JADE3: variants seen among roughly 807,000 people sequenced by gnomAD.
The protein encoded by JADE3 is jade family PHD finger 3.
JADE3 carries 2 observed loss-of-function variants against 50.1 expected under a neutral mutation model. That is an observed-to-expected ratio of 0.04 (90% CI 0.02 to 0.13). The LOEUF (loss-of-function observed/expected upper bound fraction) is 0.13. Among genes scored for constraint, JADE3 ranks in the 10% least tolerant of loss-of-function variants. The pLI, the probability that JADE3 is intolerant of heterozygous loss-of-function variation, is 1.00. For missense variants in JADE3, 475 were observed against 634.4 expected (o/e 0.75, Z 2.70); for synonymous variants, 218 against 232.9 (o/e 0.94, Z 0.58).
chrX:46,932,193 G>C (rs782754130), intron 1 of JADE3, among the ~76,000 whole-genome samples: 1 of 112,006 alleles, frequency 8.9e-6, no homozygotes, highest in Admixed American at 9.5e-5. Flanking sequence ...TTTCAGTGTC[G>C]TACTGGAGCA....
intron 1 of JADE3, among the ~76,000 whole-genome samples, chrX:46,966,340 T>C (rs1302612899): frequency 8.9e-6 from 1 of 111,876 alleles, no homozygotes; most frequent in Non-Finnish European, 1.9e-5. Flanking sequence ...TCTTTCTTCC[T>C]TCCTTCTTTG....
chrX:46,918,087 A>G (rs1926146316), intron 1 of JADE3, among the ~76,000 whole-genome samples: 1 of 111,589 alleles, frequency 9.0e-6, no homozygotes, highest in Non-Finnish European at 1.9e-5. Flanking sequence ...AAGAGTTTCT[A>G]TGATGCTGGA....
At chrX:46,930,010 C>T (rs782746052) in intron 1 of JADE3, among the ~76,000 whole-genome samples, 1 of 112,230 alleles carries the variant, frequency 8.9e-6, no homozygotes, top group Non-Finnish European at 1.9e-5. Flanking sequence ...GTCCTTTCAT[C>T]TCTGTATGTA....
At chrX:47,054,055 GTCTT>G in intron 8 of JADE3, 99 bp from the exon 9 acceptor site, 1 of 520,463 alleles carries the variant, frequency 1.9e-6, no homozygotes, top group Non-Finnish European at 3.1e-6. Context: ...CTTTCTCCCG[GTCTT>G]TCTTTTGCTT....
At chrX:46,952,569 C>T (rs1303564381) in intron 1 of JADE3, among the ~76,000 whole-genome samples, 1 of 112,460 alleles carries the variant, frequency 8.9e-6, no homozygotes, top group Non-Finnish European at 1.9e-5. Flanking sequence ...GCTCTTCCTT[C>T]GTTGTTATTT....
intron 1 of JADE3, 111 bp from the exon 2 acceptor site, chrX:46,984,772 TC>T (rs1380569041): frequency 1.9e-6 from 1 of 517,641 alleles, no homozygotes; most frequent in African/African-American, 2.3e-5. Flanking sequence ...CAAAAATCAT[TC>T]AGTTTGTATG....
chrX:47,019,835 G>C (rs1298484859), intron 4 of JADE3, among the ~76,000 whole-genome samples: 5 of 111,809 alleles, frequency 4.5e-5, no homozygotes, highest in Non-Finnish European at 7.5e-5. Flanking sequence ...AGGTAGTAGT[G>C]TTCCAGCCAC....
chrX:46,934,989 A>C (rs782326158), intron 1 of JADE3, among the ~76,000 whole-genome samples: 1 of 111,522 alleles, frequency 9.0e-6, no homozygotes, highest in East Asian at 2.8e-4. Context: ...TGGCGTGTAC[A>C]GTGGTGCGAT....
intron 7 of JADE3, among the ~76,000 whole-genome samples, chrX:47,038,418 A>G (rs1556368587): frequency 9.0e-6 from 1 of 111,453 alleles, no homozygotes; most frequent in Non-Finnish European, 1.9e-5. Flanking sequence ...TCCCACCAAC[A>G]GTGTATAAAC....
At chrX:46,991,071 T>TCCC (rs1174749618) in intron 3 of JADE3, among the ~76,000 whole-genome samples, 4 of 303 alleles carry the variant, frequency 0.013, no homozygotes, top group African/African-American at 0.021. Context: ...ACTCCCTCCC[T>TCCC]CCCCCCCCCC....
At chrX:47,045,213 T>C (rs1296846210) in intron 8 of JADE3, among the ~76,000 whole-genome samples, 5 of 111,448 alleles carry the variant, frequency 4.5e-5, no homozygotes, top group African/African-American at 1.6e-4. Context: ...ACATATAGGC[T>C]GAAAATAAAG....
rs1195947563 is a variant in JADE3 at position 47,052,633 on chromosome X, C to CAA, written c.973-1500_973-1499dup. Reference sequence around the variant, plus strand: ...TCAGCAACAGAGTGAGACTCTGTCTCAAAAAAAAAAAAAAAAAAAAAAAAA... The same window carrying CAA: ...TCAGCAACAGAGTGAGACTCTGTCTCAAAAAAAAAAAAAAAAAAAAAAAAAAA... On this transcript the variant is annotated intron_variant, in intron 8 of 10. Coordinates refer to ENST00000614628, the MANE Select transcript of JADE3 (RefSeq NM_014735.5). Among the ~76,000 whole-genome samples, 29 of 18,907 alleles carry CAA rather than the reference C, an allele frequency of 1.5e-3. 1 individual carries two copies. Among genetic ancestry groups the CAA allele is most frequent in the East Asian group, 3.0e-3 (2 of 667 alleles). The allele number at this position is 18,907 out of a possible 115,157, so 16.4% of individuals were successfully genotyped here.
At chrX:46,948,698 G>T (rs1180277394) in intron 1 of JADE3, among the ~76,000 whole-genome samples, 2 of 111,278 alleles carry the variant, frequency 1.8e-5, no homozygotes, top group African/African-American at 6.5e-5. Context: ...AAGTGAACAA[G>T]TCATAAGGGT....
Position 47,058,410 on chromosome X carries a change from ATAAC to A in JADE3, c.1806_1809del (p.Asn603ValfsTer106). The A allele has an allele frequency of 8.3e-7, 1 of 1,211,522 alleles. No individual in the cohort carries two copies. The highest frequency in any genetic ancestry group is 1.1e-6 in the Non-Finnish European group (1 of 895,364). On this transcript the variant is annotated frameshift_variant, in exon 11 of 11. Transcript: ENST00000614628. LOFTEE classifies it high-confidence loss of function. ...CCGAGATACCCACTAGAGAGCAAGA[ATAAC>A]CGTTTGCTGGCCAGTCTCAGCCATT...
At chrX:46,917,769 C>T (rs1926118262) in intron 1 of JADE3, among the ~76,000 whole-genome samples, 2 of 106,781 alleles carry the variant, frequency 1.9e-5, no homozygotes, top group East Asian at 3.0e-4. Context: ...GTTTCTTTCT[C>T]TCTCTCTCTC....
chrX:46,986,141 AACCTTCC>A (rs1373970281), intron 3 of JADE3, among the ~76,000 whole-genome samples: 1 of 111,676 alleles, frequency 9.0e-6, no homozygotes, highest in Non-Finnish European at 1.9e-5. Context: ...CCCAGTCTTG[AACCTTCC>A]AGCCAGCAGA....
At chrX:46,955,302 G>T (rs1310876593) in intron 1 of JADE3, among the ~76,000 whole-genome samples, 1 of 112,327 alleles carries the variant, frequency 8.9e-6, no homozygotes, top group African/African-American at 3.2e-5. Context: ...ATGTTTCTGT[G>T]GAGATCTCTT....
intron 1 of JADE3, among the ~76,000 whole-genome samples, chrX:46,960,268 A>G (rs1602385704): frequency 9.0e-6 from 1 of 110,922 alleles, no homozygotes; most frequent in African/African-American, 3.3e-5. Context: ...ATCATAGCAG[A>G]CCTGACTTTG....
chrX:47,016,377 A>G (rs976505983), intron 4 of JADE3, among the ~76,000 whole-genome samples: 4 of 112,053 alleles, frequency 3.6e-5, no homozygotes, highest in African/African-American at 1.3e-4. Context: ...GCTATGGTCT[A>G]CACTGCACAG....
Sources: allele counts gnomAD v4.1 joint callset (sites outside exome capture counted in the v4.1 genomes callset), GRCh38; gene constraint gnomAD v4.1.1; transcripts MANE v1.5; gene names NCBI Gene and HGNC (gene_info 2026-07-23, HGNC 2026-07-21).